MSH6: variants seen among roughly 807,000 people sequenced by gnomAD.
MSH6 encodes DNA mismatch repair protein Msh6.
Under a neutral mutation model 119.1 loss-of-function variants are expected in MSH6, and 85 were observed. The ratio of observed to expected loss-of-function variants is 0.71; its 90% CI spans 0.60 to 0.85. The LOEUF (loss-of-function observed/expected upper bound fraction) is 0.85, where lower values mean the gene tolerates loss of function less well. Among genes scored for constraint, MSH6 ranks in the 40% least tolerant of loss-of-function variants. The pLI, the probability that MSH6 is intolerant of heterozygous loss-of-function variation, is 0.00. For synonymous variants in MSH6, 830 were observed against 586.9 expected, an observed-to-expected ratio of 1.41 and a Z score of -5.99; for missense variants, 2,163 against 1,655.3, an observed-to-expected ratio of 1.31 and a Z score of -5.32.
At chr2:47,788,906 CCTTTTTTTTTTTTTTGTTTT>C (rs1427266603) in intron 1 of MSH6, among the ~76,000 whole-genome samples, 183 of 15,826 alleles carry the variant, frequency 0.012, 9 homozygotes, top group African/African-American at 0.045. Context: ...CTTTCTTCTT[CCTTTTTTTTTTTTTTGTTTT>C]TTTTTTTTTT....
At position 47,798,737 on chromosome 2, in the gene MSH6, T is replaced by C. The variant is rs746623981; in HGVS notation, c.754T>C (p.Ser252Pro). 1 of 1,614,088 alleles carries C rather than the reference T, an allele frequency of 6.2e-7. No homozygotes were observed. The highest frequency in any genetic ancestry group is 8.5e-7 in the Non-Finnish European group (1 of 1,180,018). ...CCAAATAAAAAAACGAAGGGTCATATCAGATTCTGAGAGTGACATTGGTGG... is the reference window on the plus strand; with the variant it reads ...CCAAATAAAAAAACGAAGGGTCATACCAGATTCTGAGAGTGACATTGGTGG... Reference protein sequence around the residue: ...SRQIKKRRVISDSESDIGGSD... With the variant: ...SRQIKKRRVIPDSESDIGGSD... The change falls in exon 4 of 10, where the codon TCA becomes CCA. Residue 252 changes from serine to proline, a missense_variant. Transcript: ENST00000234420.
chr2:47,799,192 C>G lies in MSH6; in HGVS notation c.1209C>G (p.Leu403=), dbSNP rs748603803. Residue 403 remains leucine, a synonymous_variant, in exon 4 of 10, where the codon CTC becomes CTG. Transcript: ENST00000234420. The part of the protein sequence containing the change: ...ASTLYVPEDF[L]NSCTPGMRKW... ...CACTCTATGTGCCTGAGGATTTCCTCAATTCTTGTACTCCTGGGATGAGGA... is the reference window on the plus strand; with the variant it reads ...CACTCTATGTGCCTGAGGATTTCCTGAATTCTTGTACTCCTGGGATGAGGA... 2.5e-5 allele frequency: 41 copies of G among 1,614,046 alleles called. No individual in the cohort carries two copies. Among genetic ancestry groups the G allele is most frequent in the Non-Finnish European group, 3.2e-5 (38 of 1,180,026 alleles).
chr2:47,800,804 C>T lies in MSH6; in HGVS notation c.2821C>T (p.Leu941Phe), dbSNP rs1114167730. 1.2e-6 allele frequency: 2 copies of T among 1,614,116 alleles called. No individual in the cohort carries two copies. The highest frequency in any genetic ancestry group is 1.7e-6 in the Non-Finnish European group (2 of 1,180,022). ...CTTTGACTCTGATTATGACCAAGCT[C>T]TTGCTGACATAAGAGAAAATGAACA... ...AGFDSDYDQALADIRENEQSL... is the reference protein window; with the variant it reads ...AGFDSDYDQAFADIRENEQSL... The change falls in exon 4 of 10, where the codon CTT becomes TTT. Residue 941 changes from leucine (L) to phenylalanine (F), a missense_variant. Coordinates refer to ENST00000234420, the MANE Select transcript of MSH6 (RefSeq NM_000179.3).
chr2:47,790,930 T>C lies in MSH6; in HGVS notation c.264T>C (p.Cys88=). The change falls in exon 2 of 10, where the codon TGT becomes TGC. Residue 88 remains cysteine (C), a synonymous_variant. Coordinates refer to ENST00000234420, the MANE Select transcript of MSH6 (RefSeq NM_000179.3). ...RSVAPAAPTS[C]DFSPGDLVWA... The stretch of plus-strand genomic sequence containing the variant: ...ATGTATTTCCTTTTGGCAACAGTTG[T>C]GACTTCTCACCAGGAGATTTGGTTT... 1 of 1,614,224 alleles carries C rather than the reference T, an allele frequency of 6.2e-7. No individual in the cohort carries two copies.
chr2:47,791,252 G>C, intron 2 of MSH6, 129 bp downstream of exon 2: 1 of 847,520 alleles, frequency 1.2e-6, no homozygotes, highest in Non-Finnish European at 1.9e-6. Flanking sequence ...AATTGCAAGG[G>C]GTGGCAGTTG....
At chr2:47,796,920 G>A (rs1053277209) in intron 3 of MSH6, among the ~76,000 whole-genome samples, 1 of 152,180 alleles carries the variant, frequency 6.6e-6, no homozygotes, top group African/African-American at 2.4e-5. Flanking sequence ...AGAGGGTGTA[G>A]TGAGCCAAGA....
At chr2:47,784,824 A>G (rs1343823548) in intron 1 of MSH6, 2 of 151,770 alleles carry the variant, frequency 1.3e-5, no homozygotes, top group East Asian at 1.9e-4. Context: ...GCTGTTTGCC[A>G]GATACATATA....
intron 2 of MSH6, among the ~76,000 whole-genome samples, chr2:47,792,898 C>T (rs1365236694): frequency 6.7e-6 from 1 of 150,032 alleles, no homozygotes; most frequent in African/African-American, 2.5e-5. Flanking sequence ...GCTATGTTGC[C>T]CCCAGGGTGG....
rs189436849 is a variant in MSH6, at chr2:47,805,578, T to A, written c.3557-40T>A. The A allele has an allele frequency of 7.5e-3, 9,916 of 1,327,430 alleles. 58 individuals carry two copies. The highest frequency in any genetic ancestry group is 0.02 in the Middle Eastern group (105 of 5,292). 82.2% of individuals were successfully genotyped at this position (1,327,430 alleles called of 1,614,324 possible). On this transcript the variant is annotated intron_variant, in intron 6 of 9. Transcript: ENST00000234420. ...GAAGATGAATTTATGTAATATGATT[T>A]GCAAAATGAGTATTCATTTGTGATT...
At chr2:47,792,288 T>TA (rs1668782735) in intron 2 of MSH6, among the ~76,000 whole-genome samples, 1 of 152,224 alleles carries the variant, frequency 6.6e-6, no homozygotes, top group African/African-American at 2.4e-5. Context: ...CTCGGTGTTG[T>TA]AAAATCCAAA....
chr2:47,806,753 T>TAC, intron 9 of MSH6, 26 bp from the exon 10 acceptor site: 1 of 492,244 alleles, frequency 2.0e-6, no homozygotes, highest in South Asian at 3.5e-5. Flanking sequence ...CAAAAAAACT[T>TAC]TTTTTTTTTT....
At chr2:47,791,853 A>AT (rs975296906) in intron 2 of MSH6, among the ~76,000 whole-genome samples, 50 of 143,936 alleles carry the variant, frequency 3.5e-4, no homozygotes, top group Admixed American at 1.3e-3. Context: ...ATATATATAT[A>AT]TTTTTTTTTT....
chr2:47,794,243 A>AG (rs1313973627), intron 2 of MSH6, among the ~76,000 whole-genome samples: 4 of 151,954 alleles, frequency 2.6e-5, no homozygotes, highest in African/African-American at 9.6e-5. Context: ...CAGGAGGGTG[A>AG]GGCAGAATTG....
At position 47,799,220 on chromosome 2, in the gene MSH6, T is replaced by C. The variant is rs2104330278; in HGVS notation, c.1237T>C (p.Trp413Arg). ...TTCTTGTACTCCTGGGATGAGGAAGTGGTGGCAGATTAAGTCTCAGAACTT... is the reference window on the plus strand; with the variant it reads ...TTCTTGTACTCCTGGGATGAGGAAGCGGTGGCAGATTAAGTCTCAGAACTT... ...LNSCTPGMRK[W>R]WQIKSQNFDL... is the part of the protein sequence containing the mutation. Residue 413 changes from tryptophan (W) to arginine (R), a missense_variant, in exon 4 of 10, where the codon TGG becomes CGG. Physicochemically the swap from Trp to Arg is moderately radical, Grantham distance 101. Transcript: ENST00000234420. The C allele has an allele frequency of 6.2e-7, 1 of 1,614,126 alleles. No homozygotes were observed. Among genetic ancestry groups the C allele is most frequent in the Middle Eastern group, 1.6e-4 (1 of 6,062 alleles).
Position 47,799,841 on chromosome 2 carries a change from G to A in MSH6, c.1858G>A (p.Gly620Ser), listed in dbSNP as rs876661043. The A allele has an allele frequency of 2.6e-5, 42 of 1,614,046 alleles. No individual in the cohort carries two copies. Among genetic ancestry groups the A allele is most frequent in the Non-Finnish European group, 3.4e-5 (40 of 1,180,042 alleles). Residue 620 changes from glycine (G) to serine (S), a missense_variant, in exon 4 of 10, where the codon GGT becomes AGT. Transcript: ENST00000234420. ...KSSLSCSLQE[G>S]LIPGSQFWDA... Reference sequence around the variant, plus strand: ...TTCATTGTCCTGTTCTCTTCAGGAAGGTCTGATACCCGGCTCCCAGTTTTG... The same window carrying A: ...TTCATTGTCCTGTTCTCTTCAGGAAAGTCTGATACCCGGCTCCCAGTTTTG...
chr2:47,800,296 G>T lies in MSH6; in HGVS notation c.2313G>T (p.Lys771Asn), dbSNP rs1572726671. ...ATACTTGCCATACTCCTTTTGGTAA[G>T]CGGCTCCTAAAGCAATGGCTTTGTG... ...RVDTCHTPFG[K>N]RLLKQWLCAP... Residue 771 changes from lysine (K) to asparagine (N), a missense_variant, in exon 4 of 10, where the codon AAG becomes AAT. Lys to Asn is a moderately conservative substitution (Grantham distance 94). Transcript: ENST00000234420. 3 of 1,614,128 alleles carry T rather than the reference G, an allele frequency of 1.9e-6. No homozygotes were observed. The highest frequency in any genetic ancestry group is 2.5e-6 in the Non-Finnish European group (3 of 1,180,030).
chr2:47,793,831 A>G (rs1427887801), intron 2 of MSH6, among the ~76,000 whole-genome samples: 1 of 151,434 alleles, frequency 6.6e-6, no homozygotes, highest in East Asian at 2.0e-4. Context: ...CCTGGGTTCA[A>G]GCGATTCTCC....
intron 1 of MSH6, among the ~76,000 whole-genome samples, chr2:47,786,768 C>T (rs1401709077): frequency 6.6e-6 from 1 of 151,120 alleles, no homozygotes; most frequent in Non-Finnish European, 1.5e-5. Context: ...TAAATGTCTT[C>T]TTTCACAATG....
intron 2 of MSH6, among the ~76,000 whole-genome samples, chr2:47,793,042 C>T (rs1020306431): frequency 6.6e-6 from 1 of 151,264 alleles, no homozygotes; most frequent in Non-Finnish European, 1.5e-5. Flanking sequence ...GCACTGGGGC[C>T]GGGCATGGTG....
Sources: allele counts gnomAD v4.1 joint callset (sites outside exome capture counted in the v4.1 genomes callset), GRCh38; gene constraint gnomAD v4.1.1; transcripts MANE v1.5; gene names NCBI Gene and HGNC (gene_info 2026-07-23, HGNC 2026-07-21).